VPS13D: variants seen among roughly 807,000 people sequenced by gnomAD.
VPS13D encodes intermembrane lipid transfer protein VPS13D.
A neutral mutation model predicts 461.9 loss-of-function variants in VPS13D; 187 were observed. The ratio of observed to expected loss-of-function variants is 0.40; its 90% CI spans 0.36 to 0.46. VPS13D has a LOEUF of 0.46. Among genes scored for constraint, VPS13D ranks in the 20% least tolerant of loss-of-function variants. The probability of loss-of-function intolerance (pLI) is 0.60; values close to 1 mark genes in which losing one functional copy is unlikely to be tolerated. For synonymous variants in VPS13D, 1,951 were observed against 1,986.3 expected, an observed-to-expected ratio of 0.98 and a Z score of 0.47; for missense variants, 4,711 against 5,364.9, an observed-to-expected ratio of 0.88 and a Z score of 3.81.
intron 68 of VPS13D, among the ~76,000 whole-genome samples, chr1:12,500,585 T>C (rs541645995): frequency 6.6e-6 from 1 of 152,250 alleles, no homozygotes; most frequent in South Asian, 2.1e-4. Flanking sequence ...ATGTACTGCT[T>C]TCTGGAATTA....
intron 18 of VPS13D, among the ~76,000 whole-genome samples, chr1:12,273,700 G>A (rs937166427): frequency 2.0e-5 from 3 of 152,078 alleles, no homozygotes; most frequent in African/African-American, 7.2e-5. Context: ...CATTTTCAAG[G>A]TTATTCTGTG....
At chr1:12,432,972 A>G (rs1645012183) in intron 65 of VPS13D, among the ~76,000 whole-genome samples, 2 of 152,216 alleles carry the variant, frequency 1.3e-5, no homozygotes, top group South Asian at 4.1e-4. Context: ...CACCAGTCCC[A>G]CAGGTGATGA....
chr1:12,398,279 C>T (rs1009712317), intron 60 of VPS13D, among the ~76,000 whole-genome samples: 2 of 152,104 alleles, frequency 1.3e-5, no homozygotes, highest in African/African-American at 2.4e-5. Flanking sequence ...TCAGAGGATT[C>T]GGTGCCAGAA....
intron 10 of VPS13D, among the ~76,000 whole-genome samples, chr1:12,258,330 C>T (rs1244700425): frequency 1.3e-5 from 2 of 152,242 alleles, no homozygotes; most frequent in South Asian, 2.1e-4. Flanking sequence ...GAAAAGACAC[C>T]GTGGTCCTGC....
intron 67 of VPS13D, among the ~76,000 whole-genome samples, chr1:12,488,885 C>G (rs866422278): frequency 1.3e-5 from 2 of 152,184 alleles, no homozygotes; most frequent in African/African-American, 4.8e-5. Context: ...GCACTACACT[C>G]TCTGACTCAG....
At chr1:12,278,188 G>T (rs1368677345) in intron 19 of VPS13D, 150 bp downstream of exon 19, 2 of 790,768 alleles carry the variant, frequency 2.5e-6, no homozygotes, top group African/African-American at 1.8e-5. Context: ...TTAATAGAAT[G>T]CCTTGTAGTA....
intron 52 of VPS13D, among the ~76,000 whole-genome samples, chr1:12,366,605 G>A (rs1557735856): frequency 6.6e-6 from 1 of 152,182 alleles, no homozygotes; most frequent in Non-Finnish European, 1.5e-5. Context: ...GGAGGAGGAT[G>A]ATTTGTGTAA....
intron 67 of VPS13D, among the ~76,000 whole-genome samples, chr1:12,493,451 C>T (rs1645914222): frequency 6.7e-6 from 1 of 150,172 alleles, no homozygotes. Flanking sequence ...CCATTGCACT[C>T]CAGCCTGGGT....
chr1:12,435,520 G>A (rs1231734005), intron 65 of VPS13D, among the ~76,000 whole-genome samples: 1 of 152,102 alleles, frequency 6.6e-6, no homozygotes, highest in Non-Finnish European at 1.5e-5. Context: ...GCCAGGTACT[G>A]TTCTGAGTCT....
intron 67 of VPS13D, among the ~76,000 whole-genome samples, chr1:12,466,614 C>T (rs989816021): frequency 3.3e-5 from 5 of 152,160 alleles, no homozygotes; most frequent in African/African-American, 1.2e-4. Flanking sequence ...TAGGAAGTTC[C>T]AGCACGCTCC....
In VPS13D at chr1:12,324,826, T is replaced by C. The variant is rs377543737; in HGVS notation, c.7990+1046T>C. Among the ~76,000 whole-genome samples the C allele has an allele frequency of 3.3e-4, 50 of 152,284 alleles. No homozygotes were observed. The East Asian group carries it at 8.1e-3, about 25-fold the overall frequency. On this transcript the variant is annotated intron_variant, in intron 35 of 69. Coordinates refer to ENST00000620676, the MANE Select transcript of VPS13D (RefSeq NM_015378.4). The stretch of plus-strand genomic sequence containing the variant: ...CCTATCTTTGTGTTTTCTTTTTGCA[T>C]CCTCTTCACAGCCCTTGGAGGCAGA...
At chr1:12,257,108 T>C in intron 9 of VPS13D, 21 bp downstream of exon 9, 1 of 1,595,310 alleles carries the variant, frequency 6.3e-7, no homozygotes, top group Non-Finnish European at 8.6e-7. Context: ...CTCAGTGTGG[T>C]CATGAAATTC....
At chr1:12,323,806 C>T (rs80305244) in intron 35 of VPS13D, 26 bp downstream of exon 35, 22 of 1,607,714 alleles carry the variant, frequency 1.4e-5, no homozygotes, top group South Asian at 6.6e-5. Flanking sequence ...TTCTGTTACC[C>T]GTTGTTTATC....
intron 1 of VPS13D, among the ~76,000 whole-genome samples, chr1:12,231,951 C>G (rs549054218): frequency 8.5e-5 from 13 of 152,092 alleles, no homozygotes; most frequent in Non-Finnish European, 1.9e-4. Flanking sequence ...TCCGAGATCC[C>G]GTCACTGCAC....
intron 52 of VPS13D, 29 bp from the exon 53 acceptor site, chr1:12,368,439 G>C: frequency 6.3e-7 from 1 of 1,581,108 alleles, no homozygotes; most frequent in Non-Finnish European, 8.6e-7. Flanking sequence ...TACATTTTAT[G>C]TAGCCTCTTT....
chr1:12,393,620 G>T (rs1557753288), intron 60 of VPS13D, among the ~76,000 whole-genome samples: 1 of 152,170 alleles, frequency 6.6e-6, no homozygotes, highest in African/African-American at 2.4e-5. Flanking sequence ...GATGTGGTGG[G>T]AATCACCACC....
At position 12,400,962 on chromosome 1, in the gene VPS13D, G is replaced by GCGCGCA. The variant is rs1253464149; in HGVS notation, c.11784+633_11784+634insGCGCAC. Among the ~76,000 whole-genome samples, 314 of 106,286 alleles carry GCGCGCA rather than the reference G, an allele frequency of 3.0e-3. 2 individuals carry two copies. The highest frequency in any genetic ancestry group is 0.01 in the African/African-American group (305 of 29,770). The allele number at this position is 106,286 out of a possible 152,430, so 69.7% of individuals were successfully genotyped here. A position where few individuals can be genotyped will look rare whatever the true frequency, so the allele number is the denominator to read the frequency against. On this transcript the variant is annotated intron_variant, in intron 61 of 69. Transcript: ENST00000620676. ...GAGTGAGATGTGCACCTGCGCGCGCGCACACACACACACACACACACACAC... is the reference window on the plus strand; with the variant it reads ...GAGTGAGATGTGCACCTGCGCGCGCGCGCGCACACACACACACACACACACACACAC...
At chr1:12,314,525 T>C (rs1238468515) in intron 30 of VPS13D, among the ~76,000 whole-genome samples, 198 bp downstream of exon 30, 3 of 152,234 alleles carry the variant, frequency 2.0e-5, no homozygotes, top group Non-Finnish European at 4.4e-5. Flanking sequence ...CCAAAAGATG[T>C]CTCTGTTGCC....
At position 12,276,837 on chromosome 1, in the gene VPS13D, A is replaced by G. The variant is rs1277745841; in HGVS notation, c.3249A>G (p.Glu1083=). The change falls in exon 19 of 70, where the codon GAA becomes GAG. Residue 1083 remains glutamate (E), a synonymous_variant. Transcript: ENST00000620676. The surrounding 1 kb of genome is among the most constrained non-coding windows in gnomAD (Gnocchi z 4.5). Reference sequence around the variant, plus strand: ...AGCAAGAGTCCCTTATTAAGTTGGAATATCAGTTTGTGAGTTCAGAGTGCC... The same window carrying G: ...AGCAAGAGTCCCTTATTAAGTTGGAGTATCAGTTTGTGAGTTCAGAGTGCC... ...TKEQESLIKL[E]YQFVSSECPS... 3 of 1,614,064 alleles carry G rather than the reference A, an allele frequency of 1.9e-6. No homozygotes were observed. The highest frequency in any genetic ancestry group is 2.2e-5 in the East Asian group (1 of 44,892).
Sources: allele counts gnomAD v4.1 joint callset (sites outside exome capture counted in the v4.1 genomes callset), GRCh38; gene constraint gnomAD v4.1.1; non-coding constraint Gnocchi (gnomAD v3.1); transcripts MANE v1.5; gene names NCBI Gene and HGNC (gene_info 2026-07-23, HGNC 2026-07-21).